Variants in KIF16B observed in about 807,000 individuals in gnomAD.
KIF16B encodes kinesin-like protein KIF16B.
Under a neutral mutation model 156.3 loss-of-function variants are expected in KIF16B, and 98 were observed. That is an observed-to-expected ratio of 0.63 (90% confidence interval 0.53 to 0.74). The LOEUF (loss-of-function observed/expected upper bound fraction) is 0.74, where lower values mean the gene tolerates loss of function less well. KIF16B is among the 30% of genes least tolerant of loss of function. KIF16B has a pLI of 0.00. For synonymous variants in KIF16B, 564 were observed against 583.7 expected (o/e 0.97, Z 0.49); for missense variants, 1,421 against 1,606.5 (o/e 0.88, Z 1.97).
chr20:16,504,303 C>T (rs1027691530), intron 10 of KIF16B, 69 bp downstream of exon 10: 1 of 1,472,224 alleles, frequency 6.8e-7, no homozygotes. Context: ...AGAAAATTGT[C>T]TCATTAAGAT....
chr20:16,514,799 T>A (rs1203880638), intron 4 of KIF16B, among the ~76,000 whole-genome samples: 1 of 136,972 alleles, frequency 7.3e-6, no homozygotes, highest in Non-Finnish European at 1.5e-5. Context: ...GGCAGGAGAA[T>A]CACTTGAAAC....
rs569449728 is a variant in KIF16B, at chr20:16,479,047, G to A, written c.1302+15244C>T. On this transcript the variant is annotated intron_variant, in intron 12 of 25. Transcript: ENST00000354981. ...TTTCTAACAGCCCAAAACAGAAAAC[G>A]AGTACAATGAATAAACTATGGTATA... 8.5e-5 allele frequency among the ~76,000 whole-genome samples: 13 copies of A among 152,240 alleles called. No homozygotes were observed. In the South Asian group the frequency reaches 1.2e-3, roughly 15 times the overall value.
chr20:16,366,964 G>A, intron 22 of KIF16B: 10 of 1,285,764 alleles, frequency 7.8e-6, no homozygotes, highest in Non-Finnish European at 9.8e-6. Flanking sequence ...TCTGCTATTA[G>A]CTGTTTTTAT....
intron 3 of KIF16B, among the ~76,000 whole-genome samples, chr20:16,524,144 C>T (rs2069449201): frequency 6.6e-6 from 1 of 152,158 alleles, no homozygotes; most frequent in East Asian, 1.9e-4. Flanking sequence ...ACACCAAAAG[C>T]AATGGCAACA....
At chr20:16,467,222 C>T (rs2067515951) in intron 12 of KIF16B, among the ~76,000 whole-genome samples, 1 of 152,154 alleles carries the variant, frequency 6.6e-6, no homozygotes, top group African/African-American at 2.4e-5. Context: ...CACTGAGAAG[C>T]ACTGTGAAGT....
At chr20:16,343,843 A>AT (rs556218313) in intron 23 of KIF16B, among the ~76,000 whole-genome samples, 2,356 of 150,106 alleles carry the variant, frequency 0.016, 67 homozygotes, top group African/African-American at 0.055. Context: ...TGGTACTTCT[A>AT]TTTTTTTTTT....
chr20:16,497,760 A>C (rs2068495578), intron 10 of KIF16B, 82 bp from the exon 11 acceptor site: 6 of 1,031,394 alleles, frequency 5.8e-6, no homozygotes, highest in Non-Finnish European at 8.9e-6. Flanking sequence ...TAAATTATCC[A>C]AAATTTCACA....
At chr20:16,366,900 GC>G in intron 22 of KIF16B, 3 of 1,207,196 alleles carry the variant, frequency 2.5e-6, no homozygotes, top group Non-Finnish European at 3.1e-6. Flanking sequence ...AAATTTACAA[GC>G]CTGAGTTTCA....
At chr20:16,395,813 A>ATTCAACACTCTAAGGAGGCCCATT (rs897953786) in intron 17 of KIF16B, among the ~76,000 whole-genome samples, 2 of 152,174 alleles carry the variant, frequency 1.3e-5, no homozygotes, top group African/African-American at 2.4e-5. Flanking sequence ...ATATCGACAC[A>ATTCAACACTCTAAGGAGGCCCATT]TTCAACACTC....
At chr20:16,406,864 G>C (rs1397072072) in intron 15 of KIF16B, among the ~76,000 whole-genome samples, 1 of 152,130 alleles carries the variant, frequency 6.6e-6, no homozygotes, top group African/African-American at 2.4e-5. Flanking sequence ...ACTGGTAAAA[G>C]TAGAAATCTC....
intron 24 of KIF16B, among the ~76,000 whole-genome samples, chr20:16,328,150 T>A (rs1008020992): frequency 1.3e-5 from 2 of 152,178 alleles, no homozygotes; most frequent in Non-Finnish European, 2.9e-5. Flanking sequence ...TCTTGCCTAG[T>A]CGTTTTCTTC....
intron 1 of KIF16B, among the ~76,000 whole-genome samples, chr20:16,549,537 G>A (rs1043359355): frequency 6.6e-6 from 1 of 151,968 alleles, no homozygotes; most frequent in Non-Finnish European, 1.5e-5. Context: ...ATGATTTATA[G>A]TCCTTTGGGT....
intron 23 of KIF16B, among the ~76,000 whole-genome samples, chr20:16,336,499 G>A (rs774880376): frequency 2.6e-5 from 4 of 152,144 alleles, no homozygotes; most frequent in Non-Finnish European, 5.9e-5. Context: ...ACAAGAAGAG[G>A]CAGGTAGACC....
At chr20:16,378,744 G>A (rs2065011587) in intron 19 of KIF16B, 61 bp downstream of exon 19, 2 of 1,451,966 alleles carry the variant, frequency 1.4e-6, no homozygotes, top group Non-Finnish European at 1.9e-6. Context: ...AACATGAGGA[G>A]TGAAAAATGA....
rs144842801 is a variant in KIF16B at position 16,380,107 on chromosome 20, C to T, written c.1895G>A (p.Arg632Gln). Residue 632 changes from arginine (R) to glutamine (Q), a missense_variant, in exon 19 of 26, where the codon CGG (arginine) becomes CAG (glutamine). Transcript: ENST00000354981. ...KQKSDKAELE[R>Q]MQQEVETQRK... ...CTGGGTCTCCACCTCCTGCTGCATC[C>T]GCTCCAGTTCAGCCTTGTCTGATTT... 1.6e-5 allele frequency: 24 copies of T among 1,524,696 alleles called. No homozygotes were observed. In the African/African-American group the frequency reaches 2.0e-4, roughly 12 times the overall value. 94.4% of individuals were successfully genotyped at this position (1,524,696 alleles called of 1,614,324 possible). A position where few individuals can be genotyped will look rare whatever the true frequency, so the allele number is the denominator to read the frequency against.
chr20:16,366,997 T>G (rs1884597), intron 22 of KIF16B: 552,733 of 1,315,982 alleles, frequency 0.42, 118,607 homozygotes, highest in African/African-American at 0.62. Flanking sequence ...ATTTAAAATA[T>G]TTACATTTTC....
chr20:16,408,383 C>G (rs1402438345), intron 15 of KIF16B, among the ~76,000 whole-genome samples: 3 of 152,062 alleles, frequency 2.0e-5, no homozygotes, highest in Non-Finnish European at 4.4e-5. Flanking sequence ...TATGGCAAGA[C>G]CATTACCATG....
intron 12 of KIF16B, among the ~76,000 whole-genome samples, chr20:16,493,052 A>G (rs1438551924): frequency 6.6e-6 from 1 of 152,214 alleles, no homozygotes; most frequent in African/African-American, 2.4e-5. Context: ...TTCCTGCACA[A>G]AAATCTCTCA....
chr20:16,535,526 C>T (rs1438064253), intron 1 of KIF16B, among the ~76,000 whole-genome samples: 2 of 152,094 alleles, frequency 1.3e-5, no homozygotes, highest in African/African-American at 2.4e-5. Context: ...ACAGTATTAT[C>T]TTCAATATGA....
Sources: gnomAD v4.1 joint callset for allele counts (sites outside exome capture counted in the v4.1 genomes callset) on GRCh38, gnomAD v4.1.1 for gene constraint, MANE v1.5 for transcripts, NCBI Gene and HGNC (gene_info 2026-07-23, HGNC 2026-07-21) for gene names.